The following B3GALNT2 variants were observed in gnomAD, a reference collection of about 807,000 sequenced individuals.
B3GALNT2 encodes beta-1,3-N-acetylgalactosaminyltransferase 2.
B3GALNT2 carries 53 observed loss-of-function variants against 61.1 expected under a neutral mutation model. That is an observed-to-expected ratio of 0.87 (90% CI 0.70 to 1.09). The LOEUF (loss-of-function observed/expected upper bound fraction) is 1.09, where lower values mean the gene tolerates loss of function less well. Ranked by LOEUF, B3GALNT2 falls within the 50% of genes least tolerant of loss-of-function variation. The probability of loss-of-function intolerance (pLI) is 0.00; values close to 1 mark genes in which losing one functional copy is unlikely to be tolerated. For missense variants in B3GALNT2, 544 were observed against 623.0 expected (o/e 0.87, Z 1.35); for synonymous variants, 223 against 237.4 (o/e 0.94, Z 0.56).
chr1:235,479,197 G>C (rs901205856), intron 5 of B3GALNT2: 13 of 152,182 alleles, frequency 8.5e-5, no homozygotes, highest in African/African-American at 2.9e-4. Context: ...CCACAGAATG[G>C]GTAGGAAAAA....
rs1038561864 is a variant in B3GALNT2 at position 235,447,485 on chromosome 1, C to T, written c.*2721G>A. Among the ~76,000 whole-genome samples the T allele has an allele frequency of 2.6e-5, 4 of 152,132 alleles. No homozygotes were observed. The highest frequency in any genetic ancestry group is 9.7e-5 in the African/African-American group (4 of 41,436). ...TTTACTCGGAAGTTACATTCCCATG[C>T]CTGGCAGTCACTTGTGTATGTTTAA... On this transcript the variant is annotated 3_prime_UTR_variant, in exon 12 of 12. Transcript: ENST00000366600.
chr1:235,441,708 G>T, the B3GALNT2 span: 3 of 1,020,258 alleles, frequency 2.9e-6, no homozygotes, highest in Non-Finnish European at 4.5e-6. Context: ...CCTGGGAAAG[G>T]CACAGGCTCT....
At position 235,454,255 on chromosome 1, in the gene B3GALNT2, G is replaced by A; in HGVS notation, c.1212C>T (p.Ser404=). 2.5e-6 allele frequency: 4 copies of A among 1,613,044 alleles called. No homozygotes were observed. The highest frequency in any genetic ancestry group is 3.4e-6 in the Non-Finnish European group (4 of 1,179,134). The part of the protein sequence containing the change: ...TGKWQELEYP[S]PAYPAFACGS... ...CACATGCAAAGGCAGGGTAAGCGGG[G>A]CTCGGGTACTCCAACTCCTGCCACT... Residue 404 remains serine (S), a synonymous_variant, in exon 10 of 12, where the codon AGC becomes AGT. Transcript: ENST00000366600.
chr1:235,465,119 C>G (rs919890147), intron 7 of B3GALNT2: 1 of 152,230 alleles, frequency 6.6e-6, no homozygotes, highest in Non-Finnish European at 1.5e-5. Flanking sequence ...CTTGTACCTA[C>G]ATGTTTACTA....
At chr1:235,484,609 G>A in intron 3 of B3GALNT2, 94 bp from the exon 4 acceptor site, 2 of 1,416,280 alleles carry the variant, frequency 1.4e-6, no homozygotes, top group African/African-American at 1.5e-5. Context: ...CCAAAACCTA[G>A]GTAATCATTT....
intron 11 of B3GALNT2, chr1:235,451,785 G>A (rs537683894): frequency 6.6e-6 from 1 of 152,316 alleles, no homozygotes; most frequent in East Asian, 1.9e-4. Context: ...GGCCAAAGTG[G>A]AAGCTGCAAG....
intron 4 of B3GALNT2, among the ~76,000 whole-genome samples, chr1:235,483,949 G>A (rs1400566005): frequency 2.0e-5 from 3 of 152,092 alleles, no homozygotes; most frequent in Admixed American, 1.3e-4. Flanking sequence ...GCAGTTATTA[G>A]CCTTGTATTA....
intron 11 of B3GALNT2, chr1:235,450,569 G>A (rs962076526): frequency 2.3e-5 from 11 of 487,518 alleles, no homozygotes; most frequent in Non-Finnish European, 3.7e-5. Context: ...GGCGGTGTGT[G>A]GATGAAGAGT....
In B3GALNT2 at chr1:235,494,756, T is replaced by C. The variant is rs775311855; in HGVS notation, c.185A>G (p.Asn62Ser). The C allele has an allele frequency of 1.2e-6, 2 of 1,612,684 alleles. No individual in the cohort carries two copies. The highest frequency in any genetic ancestry group is 1.7e-5 in the Admixed American group (1 of 60,006). ...DVVVGVLSAR[N>S]NHELRNVIRS... is the part of the protein sequence containing the mutation. ...TATCACGTTTCGAAGTTCATGGTTA[T>C]TGCGAGCTGACAACACGCCAACTAC... Residue 62 changes from asparagine to serine, a missense_variant, in exon 2 of 12, where the codon AAT (asparagine) becomes AGT (serine). Physicochemically the swap from Asn to Ser is conservative, Grantham distance 46 (BLOSUM62 1). Coordinates refer to ENST00000366600, the MANE Select transcript of B3GALNT2 (RefSeq NM_152490.5).
At position 235,458,929 on chromosome 1, in the gene B3GALNT2, G is replaced by C. The variant is rs796990604; in HGVS notation, c.842-143C>G. On this transcript the variant is annotated intron_variant, in intron 7 of 11. Coordinates refer to ENST00000366600, the MANE Select transcript of B3GALNT2 (RefSeq NM_152490.5). ...TTTGGAACTTTAGGTAGAAAAATGG[G>C]AACTCTCATACACTGCCAGTAGGAT... is the stretch of plus-strand genomic sequence containing the variant. 6 of 747,320 alleles carry C rather than the reference G, an allele frequency of 8.0e-6. No individual in the cohort carries two copies. In the African/African-American group the frequency reaches 9.0e-5, roughly 11 times the overall value. The allele number at this position is 747,320 out of a possible 1,614,324, so 46.3% of individuals were successfully genotyped here.
At chr1:235,475,377 T>C (rs889008400) in intron 5 of B3GALNT2, among the ~76,000 whole-genome samples, 12 of 152,094 alleles carry the variant, frequency 7.9e-5, no homozygotes, top group African/African-American at 2.9e-4. Flanking sequence ...AGATTTATGC[T>C]TCAGTGAGCT....
intron 1 of B3GALNT2, among the ~76,000 whole-genome samples, chr1:235,502,686 A>C (rs1233086576): frequency 6.6e-6 from 1 of 152,240 alleles, no homozygotes; most frequent in Non-Finnish European, 1.5e-5. Context: ...CTAAGATTTC[A>C]GTTTGAAGTC....
Position 235,504,147 on chromosome 1 carries a change from G to C in B3GALNT2, c.106C>G (p.Pro36Ala). The C allele has an allele frequency of 7.8e-7, 1 of 1,281,300 alleles. No homozygotes were observed. The allele number at this position is 1,281,300 out of a possible 1,614,324, so 79.4% of individuals were successfully genotyped here. ...PPPACASGAG[P>A]ADQLALFPQW... ...CCCGGCCCCAGGACCTCACCTGCAGGGCCGGCCCCGGAGGCGCAGGCGGGC... is the reference window on the plus strand; with the variant it reads ...CCCGGCCCCAGGACCTCACCTGCAGCGCCGGCCCCGGAGGCGCAGGCGGGC... The change falls in exon 1 of 12, where the codon CCT becomes GCT. Residue 36 changes from proline (P) to alanine (A), a missense_variant. Coordinates refer to ENST00000366600, the MANE Select transcript of B3GALNT2 (RefSeq NM_152490.5).
intron 6 of B3GALNT2, among the ~76,000 whole-genome samples, chr1:235,469,126 G>A (rs114689983): frequency 5.2e-3 from 792 of 152,236 alleles, no homozygotes; most frequent in Admixed American, 7.8e-3. Context: ...TAAGTTCCAC[G>A]GTGGGCCACT....
downstream of B3GALNT2, chr1:235,442,898 G>A: frequency 6.2e-7 from 1 of 1,614,072 alleles, no homozygotes; most frequent in Non-Finnish European, 8.5e-7. Context: ...AAGTCCTGGA[G>A]AAACAACTGC....
chr1:235,486,370 C>A (rs191223951), intron 3 of B3GALNT2, among the ~76,000 whole-genome samples: 2 of 152,170 alleles, frequency 1.3e-5, no homozygotes, highest in Admixed American at 1.3e-4. Flanking sequence ...TAACAGATAT[C>A]CATAGTAGAA....
Position 235,494,670 on chromosome 1 carries a change from A to G in B3GALNT2, c.260+11T>C. 3 of 1,608,748 alleles carry G rather than the reference A, an allele frequency of 1.9e-6. No homozygotes were observed. The highest frequency in any genetic ancestry group is 2.5e-6 in the Non-Finnish European group (3 of 1,176,516). ...AATAAACCAGGCAAGGCAACAACTC[A>G]GAAAACCTACCGTTGACTTAATGTG... On this transcript the variant is annotated intron_variant, in intron 2 of 11. Coordinates refer to ENST00000366600, the MANE Select transcript of B3GALNT2 (RefSeq NM_152490.5).
At chr1:235,458,979 A>G (rs1302765527) in intron 7 of B3GALNT2, among the ~76,000 whole-genome samples, 193 bp from the exon 8 acceptor site, 1 of 152,208 alleles carries the variant, frequency 6.6e-6, no homozygotes, top group Non-Finnish European at 1.5e-5. Context: ...CACTCTGGAA[A>G]GCAATTTGGC....
At chr1:235,484,016 A>T (rs189837536) in intron 4 of B3GALNT2, among the ~76,000 whole-genome samples, 1 of 152,198 alleles carries the variant, frequency 6.6e-6, no homozygotes, top group Non-Finnish European at 1.5e-5. Context: ...TAAGAATCCT[A>T]AACTTTTTTT....
Sources: gnomAD v4.1 joint callset for allele counts (sites outside exome capture counted in the v4.1 genomes callset) on GRCh38, gnomAD v4.1.1 for gene constraint, MANE v1.5 for transcripts, NCBI Gene and HGNC (gene_info 2026-07-23, HGNC 2026-07-21) for gene names.